Variants in FAXC observed in about 807,000 individuals in gnomAD.
The protein encoded by FAXC is failed axon connections homolog.
A neutral mutation model predicts 41.9 loss-of-function variants in FAXC; 10 were observed. The ratio of observed to expected loss-of-function variants is 0.24; its 90% CI spans 0.15 to 0.41. The LOEUF is 0.41. FAXC is among the 10% of genes least tolerant of loss of function. FAXC has a pLI of 1.00. For missense variants in FAXC, 399 were observed against 510.9 expected (o/e 0.78, Z 2.11); for synonymous variants, 183 against 183.8 (o/e 1.00, Z 0.03).
At chr6:99,320,218 A>G (rs1170686382) in intron 4 of FAXC, among the ~76,000 whole-genome samples, 1 of 152,198 alleles carries the variant, frequency 6.6e-6, no homozygotes, top group Non-Finnish European at 1.5e-5. Flanking sequence ...ATCAGGAATG[A>G]ATACTAAACT....
chr6:99,345,922 A>G (rs995186646), intron 1 of FAXC, among the ~76,000 whole-genome samples: 1 of 152,208 alleles, frequency 6.6e-6, no homozygotes, highest in Non-Finnish European at 1.5e-5. Flanking sequence ...AAACATGGAT[A>G]AAACCCCAAA....
rs758308781 is a variant in FAXC at position 99,291,720 on chromosome 6, G to A, written c.924C>T (p.Pro308=). 6.4e-5 allele frequency: 103 copies of A among 1,613,648 alleles called. No individual in the cohort carries two copies. Among genetic ancestry groups the A allele is most frequent in the Non-Finnish European group, 8.3e-5 (98 of 1,179,834 alleles). ...AGGGCTTGCCTTTGATCAGCCGTTC[G>A]GGTCTTGTCCCTGGTAAGGTCCACA... The part of the protein sequence containing the change: ...QAMWTLPGTR[P]ERLIKGELIN... Residue 308 remains proline (P), a synonymous_variant, in exon 5 of 6, where the codon CCC becomes CCT. Transcript: ENST00000389677.
In FAXC at chr6:99,278,941, G is replaced by A. The variant is rs1770725506; in HGVS notation, c.*2223C>T. ...TTTGAGAGAAAATACATCACACTTG[G>A]TACTGTACAGTAAGATAGATTGTTC... is the stretch of plus-strand genomic sequence containing the variant. On this transcript the variant is annotated 3_prime_UTR_variant, in exon 6 of 6. Transcript: ENST00000389677. 2 of 152,098 alleles carry A rather than the reference G, an allele frequency of 1.3e-5. No individual in the cohort carries two copies. The highest frequency in any genetic ancestry group is 2.9e-5 in the Non-Finnish European group (2 of 68,032). 9.4% of individuals were successfully genotyped at this position (152,098 alleles called of 1,614,324 possible).
At chr6:99,333,768 TA>T (rs1773114325) in intron 2 of FAXC, among the ~76,000 whole-genome samples, 3 of 152,116 alleles carry the variant, frequency 2.0e-5, no homozygotes, top group African/African-American at 7.2e-5. Context: ...CCACAGATTC[TA>T]TCGTGGACTT....
At chr6:99,343,133 G>T in intron 1 of FAXC, 100 bp from the exon 2 acceptor site, 1 of 1,044,568 alleles carries the variant, frequency 9.6e-7, no homozygotes, top group Non-Finnish European at 1.4e-6. Context: ...GCTCCTCAAT[G>T]AACAAGCAGA....
chr6:99,282,091 G>T (rs570355406), intron 5 of FAXC, among the ~76,000 whole-genome samples: 20 of 152,320 alleles, frequency 1.3e-4, no homozygotes, highest in Middle Eastern at 3.4e-3. Flanking sequence ...ATGATGATGA[G>T]AAGTGGCAAG....
intron 5 of FAXC, among the ~76,000 whole-genome samples, chr6:99,282,721 T>C (rs970873208): frequency 6.6e-6 from 1 of 151,534 alleles, no homozygotes; most frequent in African/African-American, 2.4e-5. Context: ...ACATTATTAC[T>C]CTAAGAATGT....
intron 2 of FAXC, among the ~76,000 whole-genome samples, chr6:99,341,655 G>A (rs1773431822): frequency 6.6e-6 from 1 of 152,096 alleles, no homozygotes; most frequent in South Asian, 2.1e-4. Flanking sequence ...CAAATCAACA[G>A]ATACACTTGA....
chr6:99,275,387 A>T lies in FAXC; in HGVS notation c.*5777T>A, dbSNP rs1318109364. The stretch of plus-strand genomic sequence containing the variant: ...TACTTGTTTTCCTACTGAAATGGTC[A>T]GTTTGGTGCTGCTAGACCATATCTG... On this transcript the variant is annotated 3_prime_UTR_variant, in exon 6 of 6. Coordinates refer to ENST00000389677, the MANE Select transcript of FAXC (RefSeq NM_032511.4). The T allele has an allele frequency of 1.3e-5, 2 of 152,216 alleles. No homozygotes were observed. Among genetic ancestry groups the T allele is most frequent in the Non-Finnish European group, 2.9e-5 (2 of 68,038 alleles). 9.4% of individuals were successfully genotyped at this position (152,216 alleles called of 1,614,324 possible). A position where few individuals can be genotyped will look rare whatever the true frequency, so the allele number is the denominator to read the frequency against.
intron 1 of FAXC, among the ~76,000 whole-genome samples, chr6:99,347,263 G>A (rs1358652296): frequency 2.0e-5 from 3 of 151,972 alleles, no homozygotes; most frequent in Admixed American, 6.6e-5. Flanking sequence ...TTATCCAGAC[G>A]CGGTGGTGCA....
chr6:99,323,404 A>G, intron 4 of FAXC, 40 bp downstream of exon 4: 1 of 1,541,804 alleles, frequency 6.5e-7, no homozygotes, highest in South Asian at 1.1e-5. Context: ...TGCAAAAGGA[A>G]AGAATAGCAA....
chr6:99,346,729 G>GT (rs1306012476), intron 1 of FAXC, among the ~76,000 whole-genome samples: 1 of 152,150 alleles, frequency 6.6e-6, no homozygotes, highest in African/African-American at 2.4e-5. Flanking sequence ...AGAGGCAGTG[G>GT]TTAAAAACTG....
chr6:99,283,669 C>G (rs1770913329), intron 5 of FAXC, among the ~76,000 whole-genome samples: 1 of 152,138 alleles, frequency 6.6e-6, no homozygotes, highest in Non-Finnish European at 1.5e-5. Flanking sequence ...CTTATGGGGA[C>G]AGTCATGAAA....
rs775786775 is a variant in FAXC, at chr6:99,349,393, C to A, written c.-21G>T. 5 of 1,585,806 alleles carry A rather than the reference C, an allele frequency of 3.2e-6. No individual in the cohort carries two copies. The highest frequency in any genetic ancestry group is 4.3e-6 in the Non-Finnish European group (5 of 1,167,188). On this transcript the variant is annotated 5_prime_UTR_variant, in exon 1 of 6. Coordinates refer to ENST00000389677, the MANE Select transcript of FAXC (RefSeq NM_032511.4). ...TGCATGCTGCGCGGCTGGCTCCGGGCGCCCCTCCCAGGGCCCGCGCCGCCC... is the reference window on the plus strand; with the variant it reads ...TGCATGCTGCGCGGCTGGCTCCGGGAGCCCCTCCCAGGGCCCGCGCCGCCC...
At chr6:99,294,036 G>A (rs570797207) in intron 4 of FAXC, among the ~76,000 whole-genome samples, 22 of 152,196 alleles carry the variant, frequency 1.4e-4, no homozygotes, top group South Asian at 4.2e-4. Flanking sequence ...CCCTATATAT[G>A]CCATAGAGAC....
At chr6:99,337,556 T>C (rs978674356) in intron 2 of FAXC, among the ~76,000 whole-genome samples, 12 of 152,208 alleles carry the variant, frequency 7.9e-5, no homozygotes, top group East Asian at 7.7e-4. Context: ...CACTGTTTTG[T>C]ACTGTTTGGA....
chr6:99,311,867 T>A (rs949323324), intron 4 of FAXC, among the ~76,000 whole-genome samples: 1 of 152,200 alleles, frequency 6.6e-6, no homozygotes, highest in African/African-American at 2.4e-5. Flanking sequence ...CCCTCCCTCT[T>A]ATGCCTGTCA....
chr6:99,330,342 G>A (rs78606362), intron 3 of FAXC, among the ~76,000 whole-genome samples: 2,054 of 152,202 alleles, frequency 0.013, 50 homozygotes, highest in African/African-American at 0.046. Flanking sequence ...ATTTGACCCC[G>A]TGTCAAGTTG....
intron 3 of FAXC, 91 bp from the exon 4 acceptor site, chr6:99,323,758 A>G (rs370166787): frequency 2.1e-6 from 2 of 959,782 alleles, no homozygotes; most frequent in East Asian, 2.5e-5. Context: ...AGAATTTACT[A>G]CACTCTGGAG....
Sources: allele counts gnomAD v4.1 joint callset (sites outside exome capture counted in the v4.1 genomes callset), GRCh38; gene constraint gnomAD v4.1.1; transcripts MANE v1.5; gene names NCBI Gene and HGNC (gene_info 2026-07-23, HGNC 2026-07-21).